The following NLRP1 variants were observed in gnomAD, a reference collection of about 807,000 sequenced individuals.
NLRP1 encodes the protein NACHT, LRR and PYD domains-containing protein 1.
NLRP1 carries 94 observed loss-of-function variants against 136.7 expected under a neutral mutation model. That is an observed-to-expected ratio of 0.69 (90% CI 0.58 to 0.82). The LOEUF is 0.82. NLRP1 is among the 40% of genes least tolerant of loss of function. NLRP1 has a pLI of 0.00. For missense variants in NLRP1, 1,575 were observed against 1,802.7 expected (o/e 0.87, Z 2.29); for synonymous variants, 690 against 725.1 (o/e 0.95, Z 0.78).
chr17:5,506,899 T>C (rs1487927902), intron 15 of NLRP1, among the ~76,000 whole-genome samples: 2 of 72,654 alleles, frequency 2.8e-5, no homozygotes, highest in South Asian at 5.2e-4. Context: ...CAAAACTCCA[T>C]CTCAAAAAAA....
Position 5,584,215 on chromosome 17 carries a change from TGGGGTCCA to T in NLRP1, c.-266_-259del. ...GTCAGCTGATAGGGAGGTCCTGGGA[TGGGGTCCA>T]GGGCCAGGCAGGGAGGGTGAGGGTG... On this transcript the variant is annotated 5_prime_UTR_variant, in exon 1 of 17. Transcript: ENST00000572272. 1 of 513,094 alleles carries T rather than the reference TGGGGTCCA, an allele frequency of 1.9e-6. No homozygotes were observed. Among genetic ancestry groups the T allele is most frequent in the Non-Finnish European group, 3.5e-6 (1 of 284,834 alleles). The allele number at this position is 513,094 out of a possible 1,614,324, so 31.8% of individuals were successfully genotyped here.
chr17:5,553,428 CAA>C lies in NLRP1; in HGVS notation c.2484_2485del (p.Cys829Ter). 6.2e-7 allele frequency: 1 copy of C among 1,614,144 alleles called. No individual in the cohort carries two copies. Among genetic ancestry groups the C allele is most frequent in the Non-Finnish European group, 8.5e-7 (1 of 1,180,012 alleles). On this transcript the variant is annotated frameshift_variant, in exon 5 of 17. Transcript: ENST00000572272. LOFTEE classifies it high-confidence loss of function. ...GCAGCGAGGGCGTCTCAGGGTCTTA[CAA>C]AGACTCTTCACTGCAGAGTGGCTCA... is the stretch of plus-strand genomic sequence containing the variant.
chr17:5,580,151 C>T (rs1395718022), intron 3 of NLRP1, among the ~76,000 whole-genome samples: 1 of 152,088 alleles, frequency 6.6e-6, no homozygotes, highest in African/African-American at 2.4e-5. Flanking sequence ...AGGAGAATGG[C>T]GTGAACCCGG....
chr17:5,512,102 T>C, downstream of NLRP1: 1 of 769,650 alleles, frequency 1.3e-6, no homozygotes, highest in South Asian at 1.4e-5. Context: ...GCATCCACAA[T>C]GTCTTCATAG....
chr17:5,517,649 G>C lies in NLRP1; in HGVS notation c.4057+97C>G. On this transcript the variant is annotated intron_variant, in intron 15 of 16. Coordinates refer to ENST00000572272, the MANE Select transcript of NLRP1 (RefSeq NM_033004.4). ...GATCTGCCTGCCTCGGCCTCCCAAA[G>C]TTCTGGGATTACAGGCGTGAGCCAC... 2.8e-6 allele frequency: 4 copies of C among 1,423,716 alleles called. No homozygotes were observed. The Admixed American group carries it at 5.6e-5, about 20-fold the overall frequency. 88.2% of individuals were successfully genotyped at this position (1,423,716 alleles called of 1,614,324 possible). A position where few individuals can be genotyped will look rare whatever the true frequency, so the allele number is the denominator to read the frequency against.
chr17:5,562,555 CT>C (rs1176046016), intron 3 of NLRP1, among the ~76,000 whole-genome samples: 2 of 152,214 alleles, frequency 1.3e-5, no homozygotes, highest in African/African-American at 2.4e-5. Context: ...GGTCACCCCC[CT>C]GTCCCCAACA....
intron 3 of NLRP1, among the ~76,000 whole-genome samples, chr17:5,568,972 C>A (rs1048671495): frequency 1.3e-5 from 2 of 149,784 alleles, no homozygotes; most frequent in Non-Finnish European, 3.0e-5. Context: ...ACCCCCGTGG[C>A]CACCTACCAC....
At chr17:5,502,044 C>T (rs1361774742) in intron 15 of NLRP1, 3 of 607,450 alleles carry the variant, frequency 4.9e-6, no homozygotes, top group African/African-American at 1.8e-5. Context: ...GATGCTGAAA[C>T]GCTGTAACCA....
chr17:5,515,946 A>C (rs577829988), intron 15 of NLRP1, among the ~76,000 whole-genome samples: 9 of 152,290 alleles, frequency 5.9e-5, no homozygotes, highest in African/African-American at 1.7e-4. Flanking sequence ...ACTGGCACCA[A>C]CCAAAGGTGT....
intron 14 of NLRP1, among the ~76,000 whole-genome samples, chr17:5,519,298 G>A (rs1908575546): frequency 6.6e-6 from 1 of 151,578 alleles, no homozygotes; most frequent in Admixed American, 6.6e-5. Flanking sequence ...CACCACACCC[G>A]GCCCTCCCGG....
At chr17:5,524,930 C>T (rs867300192) in intron 12 of NLRP1, among the ~76,000 whole-genome samples, 12 of 152,282 alleles carry the variant, frequency 7.9e-5, no homozygotes, top group Middle Eastern at 3.4e-3. Context: ...TGGTCACCCC[C>T]CTTCTTGCAC....
chr17:5,513,546 AGT>A (rs547541419), downstream of NLRP1, among the ~76,000 whole-genome samples: 31 of 152,232 alleles, frequency 2.0e-4, no homozygotes, highest in Non-Finnish European at 2.1e-4. Context: ...TAATTAGTCC[AGT>A]GTTCCAGCCT....
intron 1 of NLRP1, 66 bp from the exon 2 acceptor site, chr17:5,582,912 G>T: frequency 7.6e-7 from 1 of 1,323,452 alleles, no homozygotes. Context: ...CCAGGGAACT[G>T]AGCTGGTCTC....
In NLRP1 at chr17:5,539,588, G is replaced by T. The variant is rs768453574; in HGVS notation, c.2700-3C>A. ...ACGTGAGGCCACAGCTGACCAGCCTGCAGGAAAGATACACGCCAGCCCAGG... is the reference window on the plus strand; with the variant it reads ...ACGTGAGGCCACAGCTGACCAGCCTTCAGGAAAGATACACGCCAGCCCAGG... On this transcript the variant is annotated splice_polypyrimidine_tract_variant and splice_region_variant and intron_variant, in intron 6 of 16. Transcript: ENST00000572272. 1 of 1,606,872 alleles carries T rather than the reference G, an allele frequency of 6.2e-7. No homozygotes were observed. The highest frequency in any genetic ancestry group is 8.5e-7 in the Non-Finnish European group (1 of 1,176,964).
rs1174589638 is a variant in NLRP1 at position 5,558,512 on chromosome 17, T to C, written c.2184A>G (p.Lys728=). The change falls in exon 4 of 17, where the codon AAA becomes AAG. Residue 728 remains lysine (K), a synonymous_variant. Transcript: ENST00000572272. ...GGGCCATCACTTGTGTCAGGAACGT[T>C]TTGTTCCGAGTCTCGTACAAGCAGT... ...SLHCLYETRN[K]TFLTQVMAHF... is the part of the protein sequence containing the mutation. 1.9e-6 allele frequency: 3 copies of C among 1,614,006 alleles called. No individual in the cohort carries two copies. In the South Asian group the frequency reaches 3.3e-5, roughly 18 times the overall value.
chr17:5,512,353 G>A, downstream of NLRP1: 1 of 1,284,240 alleles, frequency 7.8e-7, no homozygotes, highest in South Asian at 1.2e-5. Flanking sequence ...CTTACACTTG[G>A]TTATTTCGTG....
intron 3 of NLRP1, among the ~76,000 whole-genome samples, chr17:5,565,544 C>T (rs1417243552): frequency 1.3e-5 from 2 of 152,160 alleles, no homozygotes; most frequent in African/African-American, 2.4e-5. Context: ...TGTTATTGCT[C>T]AAGAAATCTT....
At chr17:5,508,081 CTGACATCGTGTCATTG>C (rs1907442405) in intron 15 of NLRP1, among the ~76,000 whole-genome samples, 4 of 151,500 alleles carry the variant, frequency 2.6e-5, no homozygotes, top group Admixed American at 2.6e-4. Context: ...TTGCGGTGAG[CTGACATCGTGTCATTG>C]CACTCCAGCC....
At chr17:5,532,744 C>T (rs1324761651) in intron 11 of NLRP1, 78 bp downstream of exon 11, 27 of 1,350,210 alleles carry the variant, frequency 2.0e-5, no homozygotes, top group Non-Finnish European at 2.6e-5. Flanking sequence ...GGGGGTGGCG[C>T]TGACTGTCTG....
Sources: gnomAD v4.1 joint callset for allele counts (sites outside exome capture counted in the v4.1 genomes callset) on GRCh38, gnomAD v4.1.1 for gene constraint, MANE v1.5 for transcripts, NCBI Gene and HGNC (gene_info 2026-07-23, HGNC 2026-07-21) for gene names.